The following RIC1 variants were observed in gnomAD, a reference collection of about 807,000 sequenced individuals.
RIC1 encodes the protein RIC1 partner of RAB6A GEF complex.
A neutral mutation model predicts 169.0 loss-of-function variants in RIC1; 88 were observed. The ratio of observed to expected loss-of-function variants is 0.52; its 90% CI spans 0.44 to 0.62. The LOEUF is 0.62. Ranked by LOEUF, RIC1 falls within the 20% of genes least tolerant of loss-of-function variation. The probability of loss-of-function intolerance (pLI) is 0.00; values close to 1 mark genes in which losing one functional copy is unlikely to be tolerated. For missense variants in RIC1, 1,877 were observed against 1,725.5 expected, an observed-to-expected ratio of 1.09 and a Z score of -1.56; for synonymous variants, 790 against 601.5, an observed-to-expected ratio of 1.31 and a Z score of -4.59.
chr9:5,699,633 T>C (rs915188915), intron 3 of RIC1, among the ~76,000 whole-genome samples: 1 of 152,216 alleles, frequency 6.6e-6, no homozygotes, highest in Non-Finnish European at 1.5e-5. Context: ...TTTGTTCTGT[T>C]TCATAAATTG....
intron 2 of RIC1, among the ~76,000 whole-genome samples, chr9:5,680,068 C>G (rs1016519633): frequency 6.6e-6 from 1 of 152,148 alleles, no homozygotes; most frequent in Non-Finnish European, 1.5e-5. Context: ...TGAATTTTGT[C>G]AAAGGCCTTT....
At chr9:5,682,899 T>G (rs1235173235) in intron 2 of RIC1, among the ~76,000 whole-genome samples, 2 of 152,218 alleles carry the variant, frequency 1.3e-5, no homozygotes, top group Non-Finnish European at 2.9e-5. Context: ...CTCTTCTCGC[T>G]TCATTTCATT....
At chr9:5,678,093 C>A (rs10815266) in intron 2 of RIC1, among the ~76,000 whole-genome samples, 3 of 150,246 alleles carry the variant, frequency 2.0e-5, no homozygotes, top group East Asian at 2.0e-4. Context: ...TGAGAACATG[C>A]GGTGTTTGTT....
At chr9:5,726,623 T>C (rs1824007193) in intron 6 of RIC1, among the ~76,000 whole-genome samples, 1 of 152,224 alleles carries the variant, frequency 6.6e-6, no homozygotes. Flanking sequence ...TTTTGCACAT[T>C]AGTTGATGCA....
chr9:5,742,705 A>C (rs1232767337), intron 8 of RIC1, among the ~76,000 whole-genome samples, 164 bp from the exon 9 acceptor site: 1 of 152,002 alleles, frequency 6.6e-6, no homozygotes, highest in Non-Finnish European at 1.5e-5. Context: ...TAATGGCCTT[A>C]CTAACTTTAA....
At chr9:5,700,096 A>G (rs944518632) in intron 3 of RIC1, among the ~76,000 whole-genome samples, 2 of 151,596 alleles carry the variant, frequency 1.3e-5, no homozygotes, top group African/African-American at 4.9e-5. Context: ...AACCCCACCA[A>G]GTTTCCTTCA....
chr9:5,710,603 A>C (rs1375301417), intron 3 of RIC1, among the ~76,000 whole-genome samples: 2 of 152,210 alleles, frequency 1.3e-5, no homozygotes, highest in African/African-American at 4.8e-5. Flanking sequence ...CAAAGGACTA[A>C]ACATTGTTAG....
chr9:5,639,211 CT>C (rs1340824772), intron 1 of RIC1, among the ~76,000 whole-genome samples: 2 of 152,134 alleles, frequency 1.3e-5, no homozygotes, highest in African/African-American at 2.4e-5. Context: ...GGCCATTTTT[CT>C]TCTTTTATGG....
intron 12 of RIC1, among the ~76,000 whole-genome samples, chr9:5,752,217 C>T (rs762905564): frequency 1.2e-4 from 19 of 152,050 alleles, no homozygotes; most frequent in Non-Finnish European, 2.4e-4. Flanking sequence ...GAAAAATGAA[C>T]GCCTTTTCTT....
intron 2 of RIC1, among the ~76,000 whole-genome samples, chr9:5,673,034 A>C (rs927962601): frequency 1.3e-5 from 2 of 152,144 alleles, no homozygotes; most frequent in African/African-American, 2.4e-5. Flanking sequence ...TTGGTATTGG[A>C]GCTACAGTGA....
At chr9:5,641,670 A>AG (rs1818257730) in intron 1 of RIC1, among the ~76,000 whole-genome samples, 2 of 115,156 alleles carry the variant, frequency 1.7e-5, no homozygotes, top group African/African-American at 1.0e-4. Flanking sequence ...AAGCCCACTA[A>AG]TTCTTTCTTC....
Position 5,707,277 on chromosome 9 carries a change from A to G in RIC1, c.333-6619A>G, listed in dbSNP as rs534991350. Among the ~76,000 whole-genome samples the G allele has an allele frequency of 5.2e-4, 79 of 152,138 alleles. 1 individual carries two copies. The highest frequency in any genetic ancestry group is 1.6e-4 in the Non-Finnish European group (11 of 67,990). On this transcript the variant is annotated intron_variant, in intron 3 of 25. Coordinates refer to ENST00000414202, the MANE Select transcript of RIC1 (RefSeq NM_020829.4). ...TGCTTTCAGTCTTTTAAAATTTATT[A>G]AGACTTTTTTGTGGTTTAATATCCA...
chr9:5,764,016 G>A, intron 19 of RIC1, 148 bp downstream of exon 19: 1 of 901,908 alleles, frequency 1.1e-6, no homozygotes, highest in Non-Finnish European at 1.6e-6. Context: ...AATTCAGACA[G>A]ATTCCTTTGA....
At chr9:5,776,676 T>C (rs1226311951), downstream of RIC1, 1 of 151,988 alleles carries the variant, frequency 6.6e-6, no homozygotes, top group African/African-American at 2.4e-5. Flanking sequence ...TTAAAATATT[T>C]ATTTATATGT....
intron 3 of RIC1, among the ~76,000 whole-genome samples, chr9:5,700,107 T>C (rs1414953445): frequency 2.0e-5 from 3 of 152,078 alleles, no homozygotes; most frequent in African/African-American, 4.8e-5. Flanking sequence ...GTTTCCTTCA[T>C]TGACATTTCT....
At chr9:5,674,738 T>C (rs949360312) in intron 2 of RIC1, among the ~76,000 whole-genome samples, 2 of 152,180 alleles carry the variant, frequency 1.3e-5, no homozygotes, top group Non-Finnish European at 2.9e-5. Context: ...AACTTGTGGA[T>C]TACCATACCC....
At position 5,745,996 on chromosome 9, in the gene RIC1, T is replaced by C; in HGVS notation, c.1161T>C (p.Ile387=). Residue 387 remains isoleucine (I), a synonymous_variant, in exon 11 of 26, where the codon ATT becomes ATC. Coordinates refer to ENST00000414202, the MANE Select transcript of RIC1 (RefSeq NM_020829.4). ...ISGFGSQNTE[I]ESDLRSVVKQ... ...GATTTGGTTCTCAAAACACTGAAAT[T>C]GAGTCTGACCTCAGGAGTGTAGTTA... 6.2e-7 allele frequency: 1 copy of C among 1,613,736 alleles called. No individual in the cohort carries two copies. The highest frequency in any genetic ancestry group is 1.1e-5 in the South Asian group (1 of 91,054).
rs528858339 is a variant in RIC1, at chr9:5,667,103, T to C, written c.252+10413T>C. The stretch of plus-strand genomic sequence containing the variant: ...ACTTTGGGAAGCTGAGGCGGGAGGA[T>C]TGCTTGAGGCAGGGAGTTACAGGGG... On this transcript the variant is annotated intron_variant, in intron 2 of 25. Transcript: ENST00000414202. Among the ~76,000 whole-genome samples, 123 of 152,234 alleles carry C rather than the reference T, an allele frequency of 8.1e-4. 1 individual carries two copies. The highest frequency in any genetic ancestry group is 2.8e-3 in the African/African-American group (116 of 41,554).
rs752290639 is a variant in RIC1 at position 5,772,683 on chromosome 9, G to C, written c.3736G>C (p.Glu1246Gln). 1.2e-6 allele frequency: 2 copies of C among 1,613,714 alleles called. No individual in the cohort carries two copies. Among genetic ancestry groups the C allele is most frequent in the Non-Finnish European group, 8.5e-7 (1 of 1,179,876 alleles). Reference protein sequence around the residue: ...STLSLTQSELEHISMELASKG... With the variant: ...STLSLTQSELQHISMELASKG... ...ACTCAGTTTAACTCAGTCAGAGCTG[G>C]AGCACATTTCCATGGAGTTGGCCAG... The change falls in exon 24 of 26, where the codon GAG (glutamate) becomes CAG (glutamine). Residue 1246 changes from glutamate (E) to glutamine (Q), a missense_variant. This residue lies in a region of RIC1 where 681 missense variants were observed against 582.0 expected (regional missense o/e 1.17). Coordinates refer to ENST00000414202, the MANE Select transcript of RIC1 (RefSeq NM_020829.4).
Sources: allele counts gnomAD v4.1 joint callset (sites outside exome capture counted in the v4.1 genomes callset), GRCh38; gene constraint gnomAD v4.1.1; regional missense constraint gnomAD v4.1.1; transcripts MANE v1.5; gene names NCBI Gene and HGNC (gene_info 2026-07-23, HGNC 2026-07-21).